The following SEMA5A variants were observed in gnomAD, a reference collection of about 807,000 sequenced individuals.
The protein encoded by SEMA5A is semaphorin 5A.
A neutral mutation model predicts 135.5 loss-of-function variants in SEMA5A; 55 were observed. That is an observed-to-expected ratio of 0.41 (90% confidence interval 0.33 to 0.51). The LOEUF (loss-of-function observed/expected upper bound fraction) is 0.51, where lower values mean the gene tolerates loss of function less well. SEMA5A is among the 20% of genes least tolerant of loss of function. The pLI, the probability that SEMA5A is intolerant of heterozygous loss-of-function variation, is 0.37. For missense variants in SEMA5A, 1,290 were observed against 1,419.9 expected (o/e 0.91, Z 1.47); for synonymous variants, 580 against 546.5 (o/e 1.06, Z -0.85).
chr5:9,461,353 A>G (rs537084853), intron 1 of SEMA5A, among the ~76,000 whole-genome samples: 1 of 152,240 alleles, frequency 6.6e-6, no homozygotes, highest in Non-Finnish European at 1.5e-5. Context: ...AAGCAAATAT[A>G]ATGACCAAGA....
At chr5:9,346,668 G>T (rs1753884366) in intron 3 of SEMA5A, among the ~76,000 whole-genome samples, 1 of 152,162 alleles carries the variant, frequency 6.6e-6, no homozygotes, top group African/African-American at 2.4e-5. Flanking sequence ...TGAGTCAGTG[G>T]AACTCACCCC....
chr5:9,332,373 A>C (rs575868871), intron 4 of SEMA5A, among the ~76,000 whole-genome samples: 251 of 148,970 alleles, frequency 1.7e-3, no homozygotes, highest in Middle Eastern at 0.014. Context: ...TGTGCAATGC[A>C]TGCAGCTATG....
At chr5:9,374,097 T>A (rs555757201) in intron 3 of SEMA5A, among the ~76,000 whole-genome samples, 1 of 152,166 alleles carries the variant, frequency 6.6e-6, no homozygotes, top group Non-Finnish European at 1.5e-5. Context: ...GGTGCATCTG[T>A]AATGGGTCAG....
At chr5:9,505,860 G>A (rs1579650294) in intron 1 of SEMA5A, among the ~76,000 whole-genome samples, 1 of 152,160 alleles carries the variant, frequency 6.6e-6, no homozygotes, top group East Asian at 1.9e-4. Context: ...TGATCAATAG[G>A]AATAGTCTCA....
chr5:9,448,129 G>A (rs1241087863), intron 1 of SEMA5A, among the ~76,000 whole-genome samples: 1 of 152,090 alleles, frequency 6.6e-6, no homozygotes, highest in Non-Finnish European at 1.5e-5. Flanking sequence ...TTCAACCCAG[G>A]AACTTGATTT....
At chr5:9,183,611 C>T (rs774594811) in intron 11 of SEMA5A, among the ~76,000 whole-genome samples, 7 of 152,176 alleles carry the variant, frequency 4.6e-5, no homozygotes, top group Admixed American at 6.5e-5. Context: ...AGAGAACCTG[C>T]GGTTGAACTT....
At position 9,425,721 on chromosome 5, in the gene SEMA5A, T is replaced by C. The variant is rs79726919; in HGVS notation, c.-78+12035A>G. Reference sequence around the variant, plus strand: ...CAGTGAAATAAAACCAAGATTCCATTTGGAGAAACCTATAGCTGCTTTACT... The same window carrying C: ...CAGTGAAATAAAACCAAGATTCCATCTGGAGAAACCTATAGCTGCTTTACT... On this transcript the variant is annotated intron_variant, in intron 2 of 22. Coordinates refer to ENST00000382496, the MANE Select transcript of SEMA5A (RefSeq NM_003966.3). Among the ~76,000 whole-genome samples the C allele has an allele frequency of 3.7e-3, 558 of 152,328 alleles. 9 individuals carry two copies. In the East Asian group the frequency reaches 0.046, roughly 13 times the overall value.
chr5:9,420,117 C>T (rs1463471073), intron 2 of SEMA5A, among the ~76,000 whole-genome samples: 2 of 151,972 alleles, frequency 1.3e-5, no homozygotes, highest in African/African-American at 4.8e-5. Flanking sequence ...TGGAGCGCTC[C>T]ATCATGAACG....
chr5:9,272,385 C>T (rs1195104816), intron 5 of SEMA5A, among the ~76,000 whole-genome samples: 1 of 152,138 alleles, frequency 6.6e-6, no homozygotes, highest in Non-Finnish European at 1.5e-5. Context: ...GATAAAACCC[C>T]CACCTCCCTG....
intron 14 of SEMA5A, among the ~76,000 whole-genome samples, chr5:9,120,942 C>A (rs919950043): frequency 4.6e-5 from 7 of 152,020 alleles, no homozygotes; most frequent in Admixed American, 2.0e-4. Flanking sequence ...CCATGCCCAG[C>A]GAATTTTGTA....
intron 16 of SEMA5A, among the ~76,000 whole-genome samples, chr5:9,083,589 TCC>T (rs1491268523): frequency 0.021 from 1,156 of 56,356 alleles, 13 homozygotes; most frequent in African/African-American, 0.079. Flanking sequence ...CATCCATTCA[TCC>T]ATCCATCCAT....
chr5:9,271,475 T>C (rs914437068), intron 5 of SEMA5A, among the ~76,000 whole-genome samples: 7 of 151,762 alleles, frequency 4.6e-5, no homozygotes, highest in African/African-American at 1.7e-4. Context: ...GCTAGAACAG[T>C]TTGGAGGGCA....
At chr5:9,135,942 T>G (rs988290558) in intron 13 of SEMA5A, among the ~76,000 whole-genome samples, 5 of 152,240 alleles carry the variant, frequency 3.3e-5, no homozygotes, top group African/African-American at 1.2e-4. Context: ...GGATTCAGTC[T>G]GGCTCTCAAT....
intron 3 of SEMA5A, among the ~76,000 whole-genome samples, chr5:9,376,318 C>T (rs908290550): frequency 6.6e-6 from 1 of 152,204 alleles, no homozygotes; most frequent in African/African-American, 2.4e-5. Flanking sequence ...TTGCCAGGAC[C>T]CGCAATGCTC....
At chr5:9,396,769 C>T (rs1465685062) in intron 2 of SEMA5A, among the ~76,000 whole-genome samples, 1 of 152,172 alleles carries the variant, frequency 6.6e-6, no homozygotes, top group Non-Finnish European at 1.5e-5. Flanking sequence ...TGCCTCCCAA[C>T]CCTCCCTGGT....
chr5:9,363,095 G>C (rs527590867), intron 3 of SEMA5A, among the ~76,000 whole-genome samples: 2 of 152,286 alleles, frequency 1.3e-5, no homozygotes, highest in East Asian at 3.9e-4. Context: ...AAGCAGAATT[G>C]TTCATGAGAT....
intron 8 of SEMA5A, among the ~76,000 whole-genome samples, chr5:9,216,205 C>T (rs960101754): frequency 6.6e-5 from 10 of 152,162 alleles, no homozygotes; most frequent in Admixed American, 1.3e-4. Context: ...TTAGTTTCAA[C>T]GCACTTCTCG....
At chr5:9,077,603 A>G (rs1738137060) in intron 16 of SEMA5A, among the ~76,000 whole-genome samples, 1 of 152,210 alleles carries the variant, frequency 6.6e-6, no homozygotes, top group Non-Finnish European at 1.5e-5. Flanking sequence ...CTTATCATGC[A>G]TCATGAACCT....
intron 8 of SEMA5A, among the ~76,000 whole-genome samples, chr5:9,215,820 AT>A (rs957164997): frequency 1.3e-4 from 18 of 136,524 alleles, no homozygotes; most frequent in South Asian, 4.4e-4. Context: ...GGCCTATCTT[AT>A]TTTTTTTTTC....
Sources: allele counts gnomAD v4.1 joint callset (sites outside exome capture counted in the v4.1 genomes callset), GRCh38; gene constraint gnomAD v4.1.1; transcripts MANE v1.5; gene names NCBI Gene and HGNC (gene_info 2026-07-23, HGNC 2026-07-21).